Variants in HCN1 observed in about 807,000 individuals in gnomAD.
HCN1 encodes potassium/sodium hyperpolarization-activated cyclic nucleotide-gated channel 1.
Under a neutral mutation model 78.9 loss-of-function variants are expected in HCN1, and 13 were observed. That is an observed-to-expected ratio of 0.16 (90% CI 0.11 to 0.26). HCN1 has a LOEUF of 0.26. Ranked by LOEUF, HCN1 falls within the 10% of genes least tolerant of loss-of-function variation. The pLI, the probability that HCN1 is intolerant of heterozygous loss-of-function variation, is 1.00. For missense variants in HCN1, 810 were observed against 1,154.3 expected (o/e 0.70, Z 4.32); for synonymous variants, 552 against 455.5 (o/e 1.21, Z -2.70).
At chr5:45,561,661 T>G (rs955592739) in intron 2 of HCN1, among the ~76,000 whole-genome samples, 3 of 151,830 alleles carry the variant, frequency 2.0e-5, no homozygotes, top group African/African-American at 7.3e-5. Flanking sequence ...GAATTACGCT[T>G]GAGTTTATGC....
intron 2 of HCN1, among the ~76,000 whole-genome samples, chr5:45,590,515 T>A (rs1349890788): frequency 6.6e-6 from 1 of 152,150 alleles, no homozygotes; most frequent in Non-Finnish European, 1.5e-5. Context: ...TTACCCAAAG[T>A]CCATGGTTTA....
intron 5 of HCN1, among the ~76,000 whole-genome samples, chr5:45,328,652 C>A (rs1470287342): frequency 6.6e-6 from 1 of 151,580 alleles, no homozygotes; most frequent in Non-Finnish European, 1.5e-5. Context: ...AGATTTCATC[C>A]CACTATTTAG....
At chr5:45,364,131 T>G (rs2111995256) in intron 4 of HCN1, among the ~76,000 whole-genome samples, 1 of 152,270 alleles carries the variant, frequency 6.6e-6, no homozygotes, top group East Asian at 1.9e-4. Flanking sequence ...TTCGTGTTTC[T>G]TCTTTGGCTG....
At chr5:45,406,036 T>A (rs1460732615) in intron 3 of HCN1, among the ~76,000 whole-genome samples, 5 of 152,168 alleles carry the variant, frequency 3.3e-5, no homozygotes. Context: ...ATTTTTTTGA[T>A]ATTGGTACAT....
At chr5:45,406,069 C>T (rs554398233) in intron 3 of HCN1, among the ~76,000 whole-genome samples, 1 of 151,870 alleles carries the variant, frequency 6.6e-6, no homozygotes, top group Non-Finnish European at 1.5e-5. Context: ...AAAAATTAAA[C>T]AAATCAATGC....
chr5:45,511,771 A>G (rs1394675678), intron 2 of HCN1, among the ~76,000 whole-genome samples: 1 of 152,082 alleles, frequency 6.6e-6, no homozygotes, highest in Non-Finnish European at 1.5e-5. Flanking sequence ...AGGACGTTAG[A>G]CTAAAAAACT....
At chr5:45,390,840 G>T (rs1739540825) in intron 4 of HCN1, among the ~76,000 whole-genome samples, 2 of 151,978 alleles carry the variant, frequency 1.3e-5, no homozygotes, top group African/African-American at 4.8e-5. Flanking sequence ...AAAATTATTT[G>T]CCCCAGATGA....
At chr5:45,373,408 ATATAT>A (rs1351828164) in intron 4 of HCN1, among the ~76,000 whole-genome samples, 47 of 133,782 alleles carry the variant, frequency 3.5e-4, no homozygotes, top group East Asian at 1.6e-3. Context: ...ATTATATAAA[ATATAT>A]TATAATATAT....
chr5:45,549,251 A>T (rs1743303566), intron 2 of HCN1, among the ~76,000 whole-genome samples: 1 of 152,178 alleles, frequency 6.6e-6, no homozygotes, highest in South Asian at 2.1e-4. Context: ...AAACTATACT[A>T]CAAGGCTACA....
At chr5:45,650,693 T>C (rs10462091) in intron 1 of HCN1, among the ~76,000 whole-genome samples, 8,457 of 152,038 alleles carry the variant, frequency 0.056, 306 homozygotes, top group East Asian at 0.15. Context: ...GAGTGTATCT[T>C]CTCCCTATAG....
intron 3 of HCN1, among the ~76,000 whole-genome samples, chr5:45,451,624 T>G (rs2111599150): frequency 6.6e-6 from 1 of 152,144 alleles, no homozygotes; most frequent in East Asian, 1.9e-4. Context: ...AAATGATACC[T>G]TTTTCTATTA....
intron 6 of HCN1, among the ~76,000 whole-genome samples, chr5:45,270,636 T>C (rs1744943936): frequency 6.6e-6 from 1 of 152,160 alleles, no homozygotes; most frequent in Admixed American, 6.6e-5. Flanking sequence ...CTTTTACTAT[T>C]ATTAATTGGG....
At chr5:45,673,455 T>A (rs776287965) in intron 1 of HCN1, among the ~76,000 whole-genome samples, 1 of 151,576 alleles carries the variant, frequency 6.6e-6, no homozygotes. Flanking sequence ...CACCATTTAT[T>A]TATTGATTCA....
At chr5:45,572,709 C>G (rs72762075) in intron 2 of HCN1, among the ~76,000 whole-genome samples, 2 of 152,260 alleles carry the variant, frequency 1.3e-5, no homozygotes, top group Non-Finnish European at 2.9e-5. Context: ...TAATGATTGA[C>G]TCTGTATTCA....
At chr5:45,549,617 T>C (rs377758180) in intron 2 of HCN1, among the ~76,000 whole-genome samples, 2 of 151,854 alleles carry the variant, frequency 1.3e-5, no homozygotes, top group African/African-American at 2.4e-5. Context: ...ACACCAAAAG[T>C]AATGGCAACA....
At chr5:45,620,590 T>C (rs956590811) in intron 2 of HCN1, among the ~76,000 whole-genome samples, 1 of 151,842 alleles carries the variant, frequency 6.6e-6, no homozygotes, top group Non-Finnish European at 1.5e-5. Flanking sequence ...ATTATTATTA[T>C]CAAAGCCAGT....
At chr5:45,378,807 G>T (rs190158560) in intron 4 of HCN1, among the ~76,000 whole-genome samples, 1 of 152,076 alleles carries the variant, frequency 6.6e-6, no homozygotes, top group Admixed American at 6.6e-5. Flanking sequence ...GGTGTGTGAT[G>T]TTCCCCTTCC....
intron 5 of HCN1, among the ~76,000 whole-genome samples, chr5:45,317,066 C>A (rs1561103149): frequency 6.6e-6 from 1 of 152,086 alleles, no homozygotes; most frequent in Non-Finnish European, 1.5e-5. Context: ...AAAAAAACTA[C>A]TTTAAAGTTC....
chr5:45,624,816 T>C (rs1196111067), intron 2 of HCN1, among the ~76,000 whole-genome samples: 1 of 151,918 alleles, frequency 6.6e-6, no homozygotes, highest in Non-Finnish European at 1.5e-5. Flanking sequence ...TAGGGCACAC[T>C]GGAACAAGTC....
Sources: gnomAD v4.1 joint callset for allele counts (sites outside exome capture counted in the v4.1 genomes callset) on GRCh38, gnomAD v4.1.1 for gene constraint, MANE v1.5 for transcripts, NCBI Gene and HGNC (gene_info 2026-07-23, HGNC 2026-07-21) for gene names.